Variants in ZNF385D observed in about 807,000 individuals in gnomAD.
ZNF385D encodes the protein zinc finger protein 659.
A neutral mutation model predicts 35.8 loss-of-function variants in ZNF385D; 15 were observed. That is an observed-to-expected ratio of 0.42 (90% CI 0.28 to 0.64). ZNF385D has a LOEUF of 0.64. ZNF385D is among the 30% of genes least tolerant of loss of function. The probability of loss-of-function intolerance (pLI) is 0.23; values close to 1 mark genes in which losing one functional copy is unlikely to be tolerated. For missense variants in ZNF385D, 474 were observed against 494.6 expected, an observed-to-expected ratio of 0.96 and a Z score of 0.39; for synonymous variants, 212 against 186.8, an observed-to-expected ratio of 1.13 and a Z score of -1.10.
chr3:22,350,970 G>T (rs1213969749), intron 2 of ZNF385D, among the ~76,000 whole-genome samples: 7 of 151,962 alleles, frequency 4.6e-5, no homozygotes, highest in African/African-American at 7.2e-5. Context: ...CTTACCTTAA[G>T]ATATCATAAT....
At chr3:21,711,039 G>GGTTTTTTTTTT (rs2068081805) in intron 1 of ZNF385D, among the ~76,000 whole-genome samples, 1 of 83,154 alleles carries the variant, frequency 1.2e-5, no homozygotes, top group African/African-American at 5.1e-5. Flanking sequence ...CCCTCTAAAA[G>GGTTTTTTTTTT]TTTTTTTTTT....
chr3:22,207,716 T>A (rs1697247676), intron 2 of ZNF385D, among the ~76,000 whole-genome samples: 1 of 151,806 alleles, frequency 6.6e-6, no homozygotes, highest in Non-Finnish European at 1.5e-5. Context: ...ATAACCAGAA[T>A]ATATAAAGAG....
intron 3 of ZNF385D, among the ~76,000 whole-genome samples, chr3:21,967,409 G>A (rs1702973418): frequency 6.6e-6 from 1 of 152,130 alleles, no homozygotes; most frequent in Non-Finnish European, 1.5e-5. Context: ...TCTACTTCCA[G>A]CTATTTTGGA....
chr3:21,861,237 T>C lies in ZNF385D; in HGVS notation c.326-196209A>G, dbSNP rs145278791. 2.1e-3 allele frequency among the ~76,000 whole-genome samples: 323 copies of C among 152,254 alleles called. 4 individuals are homozygous for C. Among genetic ancestry groups the C allele is most frequent in the African/African-American group, 7.5e-3 (311 of 41,572 alleles). ...AACAAGTTCTATTTTTTTCGTGCCA[T>C]AGTCCAGGTGTTTTGGCTGTATCAA... is the stretch of plus-strand genomic sequence containing the variant. On this transcript the variant is annotated intron_variant, in intron 3 of 5. Transcript: ENST00000494108.
At chr3:22,105,549 G>A (rs1282313727) in intron 3 of ZNF385D, among the ~76,000 whole-genome samples, 1 of 152,234 alleles carries the variant, frequency 6.6e-6, no homozygotes, top group East Asian at 1.9e-4. Context: ...AGGAAAGCAG[G>A]TGGTGTAGTT....
At chr3:22,040,351 G>A (rs568087646) in intron 3 of ZNF385D, among the ~76,000 whole-genome samples, 69 of 152,052 alleles carry the variant, frequency 4.5e-4, no homozygotes, top group East Asian at 1.4e-3. Flanking sequence ...TGGTTATTAC[G>A]TCATTTTATA....
intron 2 of ZNF385D, among the ~76,000 whole-genome samples, chr3:22,178,064 T>G (rs1322447769): frequency 6.6e-6 from 1 of 152,218 alleles, no homozygotes; most frequent in Non-Finnish European, 1.5e-5. Context: ...TGTGTCTTTA[T>G]AGCAGCATGA....
chr3:22,157,455 GT>G (rs925287848), intron 3 of ZNF385D, among the ~76,000 whole-genome samples: 2 of 151,016 alleles, frequency 1.3e-5, no homozygotes, highest in African/African-American at 2.4e-5. Context: ...TCTTTTTGTT[GT>G]TTTTTTTAAT....
At chr3:21,799,764 C>T (rs1363915936) in intron 3 of ZNF385D, among the ~76,000 whole-genome samples, 1 of 151,592 alleles carries the variant, frequency 6.6e-6, no homozygotes, top group East Asian at 1.9e-4. Flanking sequence ...ATTTTGAAGT[C>T]CATTTTATAT....
intron 2 of ZNF385D, among the ~76,000 whole-genome samples, chr3:22,358,853 G>C (rs1242471611): frequency 6.6e-6 from 1 of 151,550 alleles, no homozygotes; most frequent in Non-Finnish European, 1.5e-5. Context: ...GATGCCTAGT[G>C]GGGCTTAAAT....
At chr3:21,924,560 C>T (rs980209307) in intron 3 of ZNF385D, among the ~76,000 whole-genome samples, 1 of 152,136 alleles carries the variant, frequency 6.6e-6, no homozygotes. Context: ...GTATATGGAT[C>T]CTAGGTTTCA....
Position 21,655,145 on chromosome 3 carries a change from G to C in ZNF385D, c.165+9741C>G, listed in dbSNP as rs148237492. ...CAACAACAACAAAATGCTTATTAAG[G>C]CTTCAACACCAGAGATTCTGGTTCA... On this transcript the variant is annotated intron_variant, in intron 2 of 7. Transcript: ENST00000281523. Among the ~76,000 whole-genome samples, 526 of 151,988 alleles carry C rather than the reference G, an allele frequency of 3.5e-3. 4 individuals are homozygous for C. Among genetic ancestry groups the C allele is most frequent in the African/African-American group, 0.012 (495 of 41,508 alleles).
intron 3 of ZNF385D, among the ~76,000 whole-genome samples, chr3:21,563,951 G>C (rs1424150231): frequency 6.6e-6 from 1 of 152,030 alleles, no homozygotes; most frequent in African/African-American, 2.4e-5. Flanking sequence ...GAAAAGGTGT[G>C]AATAACTCCC....
At chr3:22,205,797 G>A (rs982720313) in intron 2 of ZNF385D, among the ~76,000 whole-genome samples, 3 of 151,876 alleles carry the variant, frequency 2.0e-5, no homozygotes, top group Admixed American at 1.3e-4. Context: ...CATAGTACCA[G>A]AGAAAACCAC....
At chr3:22,163,877 T>A (rs1487137995) in intron 3 of ZNF385D, among the ~76,000 whole-genome samples, 3 of 150,180 alleles carry the variant, frequency 2.0e-5, no homozygotes, top group Non-Finnish European at 4.4e-5. Flanking sequence ...TTCCCATATC[T>A]TTTTCTAAAT....
At chr3:21,430,362 G>A (rs775091846) in intron 5 of ZNF385D, among the ~76,000 whole-genome samples, 2 of 152,112 alleles carry the variant, frequency 1.3e-5, no homozygotes, top group Non-Finnish European at 2.9e-5. Context: ...AAAACAAGAA[G>A]TCTAAAACAG....
intron 3 of ZNF385D, among the ~76,000 whole-genome samples, chr3:21,869,442 T>A (rs1367134290): frequency 6.6e-6 from 1 of 152,034 alleles, no homozygotes; most frequent in Non-Finnish European, 1.5e-5. Flanking sequence ...TTTCCTAAAG[T>A]GGGAATATAT....
chr3:21,932,495 G>T (rs1275849520), intron 3 of ZNF385D, among the ~76,000 whole-genome samples: 1 of 151,874 alleles, frequency 6.6e-6, no homozygotes, highest in Non-Finnish European at 1.5e-5. Context: ...CAGAGCTTTT[G>T]ATTAAATATT....
intron 3 of ZNF385D, among the ~76,000 whole-genome samples, chr3:21,516,658 T>C (rs1262974817): frequency 6.6e-6 from 1 of 152,196 alleles, no homozygotes; most frequent in African/African-American, 2.4e-5. Flanking sequence ...TATTCAAGCC[T>C]GAAGTCAAAG....
Sources: gnomAD v4.1 joint callset for allele counts (sites outside exome capture counted in the v4.1 genomes callset) on GRCh38, gnomAD v4.1.1 for gene constraint, MANE v1.5 for transcripts, NCBI Gene and HGNC (gene_info 2026-07-23, HGNC 2026-07-21) for gene names.